Variants in AQP2 observed in about 807,000 individuals in gnomAD.
The protein encoded by AQP2 is aquaporin 2.
Under a neutral mutation model 21.6 loss-of-function variants are expected in AQP2, and 20 were observed. The ratio of observed to expected loss-of-function variants is 0.92; its 90% CI spans 0.65 to 1.34. The LOEUF is 1.34. Ranked by LOEUF, AQP2 falls within the 40% of genes most tolerant of loss-of-function variation. The probability of loss-of-function intolerance (pLI) is 0.00; values close to 1 mark genes in which losing one functional copy is unlikely to be tolerated. For synonymous variants in AQP2, 168 were observed against 166.9 expected, an observed-to-expected ratio of 1.01 and a Z score of -0.05; for missense variants, 325 against 363.4, an observed-to-expected ratio of 0.89 and a Z score of 0.86.
rs958221212 is a variant in AQP2 at position 49,956,923 on chromosome 12, G to T, written c.*1315G>T. 1.3e-5 allele frequency: 2 copies of T among 152,596 alleles called. No individual in the cohort carries two copies. The highest frequency in any genetic ancestry group is 2.9e-5 in the Non-Finnish European group (2 of 68,046). The allele number at this position is 152,596 out of a possible 1,614,324, so 9.5% of individuals were successfully genotyped here. Reference sequence around the variant, plus strand: ...GCCTGCTGCTCTCAGGACCAGAGAAGGGAAATGACTTCTCCAGGCAGAGGC... The same window carrying T: ...GCCTGCTGCTCTCAGGACCAGAGAATGGAAATGACTTCTCCAGGCAGAGGC... On this transcript the variant is annotated 3_prime_UTR_variant, in exon 4 of 4. Transcript: ENST00000199280.
chr12:49,951,313 A>ATG lies in AQP2; in HGVS notation c.360+123_360+124insTG, dbSNP rs1947328131. The ATG allele has an allele frequency of 5.1e-6, 7 of 1,370,232 alleles. No homozygotes were observed. The South Asian group carries it at 1.1e-4, about 21-fold the overall frequency. The allele number at this position is 1,370,232 out of a possible 1,614,324, so 84.9% of individuals were successfully genotyped here. The stretch of plus-strand genomic sequence containing the variant: ...GAGAGATGGAGACAGAGGCAGAGAG[A>ATG]GAGGCTGGAGCCAGGAACACAGCCA... On this transcript the variant is annotated intron_variant, in intron 1 of 3. Transcript: ENST00000199280.
intron 1 of AQP2, among the ~76,000 whole-genome samples, chr12:49,953,055 A>G (rs940509570): frequency 3.3e-5 from 5 of 152,268 alleles, no homozygotes; most frequent in Non-Finnish European, 7.4e-5. Flanking sequence ...TCCAGAATCC[A>G]TTTTCTTATC....
chr12:49,954,052 G>GC, intron 1 of AQP2, 103 bp from the exon 2 acceptor site: 1 of 1,514,296 alleles, frequency 6.6e-7, no homozygotes, highest in Non-Finnish European at 9.0e-7. Context: ...CCGGCTCCCA[G>GC]CCCAGAGGCC....
rs1303076207 is a variant in AQP2 at position 49,951,128 on chromosome 12, G to A, written c.298G>A (p.Gly100Arg). Residue 100 changes from glycine (G) to arginine (R), a missense_variant, in exon 1 of 4, where the codon GGA (glycine) becomes AGA (arginine). Transcript: ENST00000199280. ...TGCCCAGCTGCTGGGGGCTGTGGCC[G>A]GAGCCGCTCTGCTCCATGAGATCAC... ...VAAQLLGAVA[G>R]AALLHEITPA... is the part of the protein sequence containing the mutation. 3.1e-6 allele frequency: 5 copies of A among 1,605,422 alleles called. No individual in the cohort carries two copies. The highest frequency in any genetic ancestry group is 2.2e-5 in the East Asian group (1 of 44,638).
At position 49,954,136 on chromosome 12, in the gene AQP2, G is replaced by A. The variant is rs910066420; in HGVS notation, c.361-19G>A. ...AAGTGGGCTCAGTGTTCCCCTACCC[G>A]CCTCTTCTCTGTCCCCAGCTCAGCA... On this transcript the variant is annotated intron_variant, in intron 1 of 3. Transcript: ENST00000199280. 3.2e-5 allele frequency: 51 copies of A among 1,597,644 alleles called. No homozygotes were observed. Among genetic ancestry groups the A allele is most frequent in the Non-Finnish European group, 4.1e-5 (48 of 1,179,876 alleles).
At chr12:49,951,235 G>T in intron 1 of AQP2, 45 bp downstream of exon 1, 2 of 1,570,196 alleles carry the variant, frequency 1.3e-6, no homozygotes, top group Non-Finnish European at 8.6e-7. Flanking sequence ...AGGTCCTGGG[G>T]AATCCCTTGT....
At position 49,958,716 on chromosome 12, in the gene AQP2, T is replaced by C. The variant is rs1188911602; in HGVS notation, c.*3108T>C. On this transcript the variant is annotated 3_prime_UTR_variant, in exon 4 of 4. Coordinates refer to ENST00000199280, the MANE Select transcript of AQP2 (RefSeq NM_000486.6). Reference sequence around the variant, plus strand: ...TGCAAATGGTGCTTCAATGTCGTTTTGTATCTTTAAGCTGTGATGTTGTAT... The same window carrying C: ...TGCAAATGGTGCTTCAATGTCGTTTCGTATCTTTAAGCTGTGATGTTGTAT... 6.6e-6 allele frequency: 1 copy of C among 152,238 alleles called. No homozygotes were observed. The highest frequency in any genetic ancestry group is 1.5e-5 in the Non-Finnish European group (1 of 68,042). The allele number at this position is 152,238 out of a possible 1,614,324, so 9.4% of individuals were successfully genotyped here.
At position 49,950,919 on chromosome 12, in the gene AQP2, C is replaced by G; in HGVS notation, c.89C>G (p.Ser30Cys). 1 of 1,614,202 alleles carries G rather than the reference C, an allele frequency of 6.2e-7. No individual in the cohort carries two copies. Among genetic ancestry groups the G allele is most frequent in the East Asian group, 2.2e-5 (1 of 44,884 alleles). Residue 30 changes from serine to cysteine, a missense_variant, in exon 1 of 4, where the codon TCT becomes TGT. Physicochemically the swap from Ser to Cys is moderately radical, Grantham distance 112. Transcript: ENST00000199280. ...TLLFVFFGLG[S>C]ALNWPQALPS... ...CTCTTCGTCTTCTTTGGCCTCGGCT[C>G]TGCCCTCAACTGGCCACAGGCCCTG...
At chr12:49,953,888 C>T (rs1947346878) in intron 1 of AQP2, among the ~76,000 whole-genome samples, 1 of 152,218 alleles carries the variant, frequency 6.6e-6, no homozygotes, top group Non-Finnish European at 1.5e-5. Context: ...GGCTCCCAGC[C>T]TCAGGCCCCA....
rs149659001 is a variant in AQP2, at chr12:49,951,041, G to C, written c.211G>C (p.Val71Leu). The C allele has an allele frequency of 6.2e-7, 1 of 1,613,776 alleles. No homozygotes were observed. The highest frequency in any genetic ancestry group is 8.5e-7 in the Non-Finnish European group (1 of 1,180,006). The change falls in exon 1 of 4, where the codon GTG (valine) becomes CTG (leucine). Residue 71 changes from valine to leucine, a missense_variant. Transcript: ENST00000199280. The stretch of plus-strand genomic sequence containing the variant: ...AAGCGGGGCCCACATCAACCCTGCC[G>C]TGACTGTGGCCTGCCTGGTGGGCTG... Reference protein sequence around the residue: ...HISGAHINPAVTVACLVGCHV... With the variant: ...HISGAHINPALTVACLVGCHV...
In AQP2 at chr12:49,954,333, A is replaced by G. The variant is rs1393997915; in HGVS notation, c.525+14A>G. The G allele has an allele frequency of 3.1e-6, 5 of 1,605,828 alleles. No individual in the cohort carries two copies. The African/African-American group carries it at 4.0e-5, about 13-fold the overall frequency. ...CACCTCCTTGGGGTAGGTCATGGCC[A>G]TGGGTTCCAGCCTCCCTGGAGGAAC... On this transcript the variant is annotated intron_variant, in intron 2 of 3. Coordinates refer to ENST00000199280, the MANE Select transcript of AQP2 (RefSeq NM_000486.6).
intron 1 of AQP2, among the ~76,000 whole-genome samples, chr12:49,953,032 C>A (rs990499754): frequency 6.6e-6 from 1 of 152,210 alleles, no homozygotes; most frequent in African/African-American, 2.4e-5. Context: ...CATTTCTAGT[C>A]CTCCCACAGT....
chr12:49,958,390 T>G lies in AQP2; in HGVS notation c.*2782T>G, dbSNP rs1202833835. The G allele has an allele frequency of 6.6e-6, 1 of 152,184 alleles. No individual in the cohort carries two copies. The highest frequency in any genetic ancestry group is 1.5e-5 in the Non-Finnish European group (1 of 68,062). 9.4% of individuals were successfully genotyped at this position (152,184 alleles called of 1,614,324 possible). The stretch of plus-strand genomic sequence containing the variant: ...TTTTCCACTGAGACAAATCCTAGGC[T>G]CCTGGGAGGCCCTGGCAGAAGCCAG... On this transcript the variant is annotated 3_prime_UTR_variant, in exon 4 of 4. Transcript: ENST00000199280.
chr12:49,955,688 C>G lies in AQP2; in HGVS notation c.*80C>G. The G allele has an allele frequency of 1.3e-6, 2 of 1,491,264 alleles. No individual in the cohort carries two copies. Among genetic ancestry groups the G allele is most frequent in the South Asian group, 2.4e-5 (2 of 82,976 alleles). 92.4% of individuals were successfully genotyped at this position (1,491,264 alleles called of 1,614,324 possible). On this transcript the variant is annotated 3_prime_UTR_variant, in exon 4 of 4. Transcript: ENST00000199280. Reference sequence around the variant, plus strand: ...AGGGCCCACCCCGTCCCTCCTCTCCCGCAGGTCTGAAGTTGGCCCCCCAGC... The same window carrying G: ...AGGGCCCACCCCGTCCCTCCTCTCCGGCAGGTCTGAAGTTGGCCCCCCAGC...
At chr12:49,951,387 G>T in intron 1 of AQP2, 197 bp downstream of exon 1, 1 of 756,094 alleles carries the variant, frequency 1.3e-6, no homozygotes, top group Non-Finnish European at 2.0e-6. Context: ...AGCAAAGCAG[G>T]ATGCAGACAG....
chr12:49,951,204 A>G lies in AQP2; in HGVS notation c.360+14A>G. On this transcript the variant is annotated intron_variant, in intron 1 of 3. Coordinates refer to ENST00000199280, the MANE Select transcript of AQP2 (RefSeq NM_000486.6). The stretch of plus-strand genomic sequence containing the variant: ...GCTGTCAATGCTGTGAGTAGCCACA[A>G]CTTTGCCATCCACAAGGGGCAGGTC... 1 of 1,600,358 alleles carries G rather than the reference A, an allele frequency of 6.2e-7. No homozygotes were observed. Among genetic ancestry groups the G allele is most frequent in the Non-Finnish European group, 8.5e-7 (1 of 1,173,302 alleles).
At position 49,951,168 on chromosome 12, in the gene AQP2, G is replaced by A. The variant is rs778352561; in HGVS notation, c.338G>A (p.Arg113His). 24 of 1,605,528 alleles carry A rather than the reference G, an allele frequency of 1.5e-5. No individual in the cohort carries two copies. The highest frequency in any genetic ancestry group is 2.7e-5 in the African/African-American group (2 of 74,852). ...CATGAGATCACGCCAGCAGACATCC[G>A]CGGGGACCTGGCTGTCAATGCTGTG... ...LLHEITPADI[R>H]GDLAVNALSN... Residue 113 changes from arginine to histidine, a missense_variant, in exon 1 of 4, where the codon CGC becomes CAC. By Grantham distance (29) the Arg-to-His change is conservative. Transcript: ENST00000199280.
Position 49,951,505 on chromosome 12 carries a change from G to A in AQP2, c.360+315G>A, listed in dbSNP as rs906812416. On this transcript the variant is annotated intron_variant, in intron 1 of 3. Transcript: ENST00000199280. The stretch of plus-strand genomic sequence containing the variant: ...GAAGACAGGGCTATACCTCAGCAGG[G>A]GTTGGTGTCCCGAGCAGACATGCTT... 2.3e-5 allele frequency: 9 copies of A among 383,260 alleles called. No individual in the cohort carries two copies. The Admixed American group carries it at 2.8e-4, about 12-fold the overall frequency. The allele number at this position is 383,260 out of a possible 1,614,324, so 23.7% of individuals were successfully genotyped here.
At chr12:49,954,516 T>C (rs1947352195) in intron 2 of AQP2, 114 bp from the exon 3 acceptor site, 1 of 1,332,702 alleles carries the variant, frequency 7.5e-7, no homozygotes, top group South Asian at 1.2e-5. Flanking sequence ...GTGATGTTAA[T>C]TGTCCATCAC....
Sources: gnomAD v4.1 joint callset for allele counts (sites outside exome capture counted in the v4.1 genomes callset) on GRCh38, gnomAD v4.1.1 for gene constraint, MANE v1.5 for transcripts, NCBI Gene and HGNC (gene_info 2026-07-23, HGNC 2026-07-21) for gene names.